Variants in CADM2 observed in about 807,000 individuals in gnomAD.
The protein encoded by CADM2 is immunoglobulin superfamily member 4D.
A neutral mutation model predicts 49.8 loss-of-function variants in CADM2; 12 were observed. The ratio of observed to expected loss-of-function variants is 0.24; its 90% CI spans 0.15 to 0.39. The LOEUF is 0.39. Ranked by LOEUF, CADM2 falls within the 10% of genes least tolerant of loss-of-function variation. CADM2 has a pLI of 1.00. For missense variants in CADM2, 378 were observed against 492.3 expected (o/e 0.77, Z 2.20); for synonymous variants, 214 against 175.4 (o/e 1.22, Z -1.74).
chr3:85,031,295 C>T (rs1330048348), intron 1 of CADM2, among the ~76,000 whole-genome samples: 1 of 152,192 alleles, frequency 6.6e-6, no homozygotes, highest in Non-Finnish European at 1.5e-5. Context: ...GTATGTCAGC[C>T]TTGCAGGGCA....
At chr3:85,487,723 T>C (rs2039485092) in intron 1 of CADM2, among the ~76,000 whole-genome samples, 1 of 151,842 alleles carries the variant, frequency 6.6e-6, no homozygotes, top group Non-Finnish European at 1.5e-5. Context: ...GAAATAAACC[T>C]CTGTGTGTGT....
At chr3:85,922,200 CCTT>C (rs1480693969) in intron 6 of CADM2, among the ~76,000 whole-genome samples, 2 of 151,472 alleles carry the variant, frequency 1.3e-5, no homozygotes, top group Non-Finnish European at 2.9e-5. Context: ...CTTTCCTTCT[CCTT>C]CTTCCCCTTC....
intron 1 of CADM2, among the ~76,000 whole-genome samples, chr3:85,508,726 G>C (rs1241663292): frequency 6.6e-6 from 1 of 152,092 alleles, no homozygotes; most frequent in Non-Finnish European, 1.5e-5. Context: ...AAGCCCAGTA[G>C]TTTAGGACTT....
chr3:85,965,474 G>A (rs1485833157), intron 8 of CADM2, among the ~76,000 whole-genome samples: 2 of 150,998 alleles, frequency 1.3e-5, no homozygotes, highest in African/African-American at 2.4e-5. Flanking sequence ...AAACTCCAAG[G>A]GTCTGGTAAG....
chr3:85,653,061 C>A (rs2065101190), intron 1 of CADM2, among the ~76,000 whole-genome samples: 1 of 151,702 alleles, frequency 6.6e-6, no homozygotes, highest in Admixed American at 6.6e-5. Flanking sequence ...GCGTGAGCCA[C>A]CGCACCTGGC....
intron 1 of CADM2, among the ~76,000 whole-genome samples, chr3:84,997,475 TAA>T (rs1037089634): frequency 3.3e-5 from 5 of 152,038 alleles, no homozygotes; most frequent in African/African-American, 1.2e-4. Context: ...ATAGAAAATA[TAA>T]GTTTATTTTT....
intron 1 of CADM2, among the ~76,000 whole-genome samples, chr3:85,364,950 A>T (rs1200751829): frequency 6.6e-6 from 1 of 152,210 alleles, no homozygotes; most frequent in East Asian, 1.9e-4. Flanking sequence ...AAGATTCTAT[A>T]GCATTGGAAA....
intron 1 of CADM2, among the ~76,000 whole-genome samples, chr3:85,152,534 G>T (rs546405923): frequency 6.6e-6 from 1 of 152,212 alleles, no homozygotes; most frequent in Non-Finnish European, 1.5e-5. Context: ...TACTAATATT[G>T]ATTGTGGAGT....
rs1002976739 is a variant in CADM2 at position 85,671,778 on chromosome 3, A to C, written c.62-54744A>C. 2.0e-5 allele frequency among the ~76,000 whole-genome samples: 3 copies of C among 152,266 alleles called. No individual in the cohort carries two copies. In the East Asian group the frequency reaches 5.8e-4, roughly 29 times the overall value. On this transcript the variant is annotated intron_variant, in intron 1 of 9. Coordinates refer to ENST00000383699, the MANE Select transcript of CADM2 (RefSeq NM_001167675.2). ...CAATTTATGCACACCTCTGTTTAAAATTTATCTTCTCATATGTGTACCCTT... is the reference window on the plus strand; with the variant it reads ...CAATTTATGCACACCTCTGTTTAAACTTTATCTTCTCATATGTGTACCCTT...
chr3:85,182,305 T>C (rs1457682959), intron 1 of CADM2, among the ~76,000 whole-genome samples: 1 of 152,102 alleles, frequency 6.6e-6, no homozygotes, highest in African/African-American at 2.4e-5. Context: ...ATAATAAATT[T>C]ACATTTCAGA....
intron 1 of CADM2, among the ~76,000 whole-genome samples, chr3:85,158,157 G>T (rs1206401998): frequency 6.6e-6 from 1 of 152,192 alleles, no homozygotes; most frequent in Non-Finnish European, 1.5e-5. Context: ...TCTCACACCA[G>T]TTAGAATGGC....
At chr3:85,812,962 G>A (rs951259895) in intron 3 of CADM2, among the ~76,000 whole-genome samples, 23 of 152,170 alleles carry the variant, frequency 1.5e-4, no homozygotes, top group African/African-American at 5.1e-4. Flanking sequence ...ATGGACATTC[G>A]GGTTGGTTCC....
intron 1 of CADM2, among the ~76,000 whole-genome samples, chr3:85,070,499 T>C (rs1288110019): frequency 6.6e-6 from 1 of 152,184 alleles, no homozygotes; most frequent in Non-Finnish European, 1.5e-5. Context: ...AAACAAATTC[T>C]AGATTACCTT....
intron 1 of CADM2, among the ~76,000 whole-genome samples, chr3:85,396,909 G>C (rs1266107418): frequency 6.6e-6 from 1 of 151,922 alleles, no homozygotes; most frequent in South Asian, 2.1e-4. Context: ...AGATAAATTG[G>C]TCTTCATCAA....
At chr3:85,723,602 G>T (rs1286808931) in intron 1 of CADM2, among the ~76,000 whole-genome samples, 1 of 152,080 alleles carries the variant, frequency 6.6e-6, no homozygotes, top group African/African-American at 2.4e-5. Flanking sequence ...AACAGGCATA[G>T]AGCTTTTGTT....
intron 1 of CADM2, among the ~76,000 whole-genome samples, chr3:85,331,100 C>T (rs547861812): frequency 2.0e-5 from 3 of 152,136 alleles, no homozygotes; most frequent in African/African-American, 7.2e-5. Flanking sequence ...GGGTATCCAT[C>T]ATATCAAACA....
intron 1 of CADM2, among the ~76,000 whole-genome samples, chr3:85,713,019 A>T (rs995919170): frequency 2.6e-5 from 4 of 152,198 alleles, no homozygotes; most frequent in African/African-American, 9.6e-5. Context: ...AGATGTAGTC[A>T]TAGATCTTCA....
intron 3 of CADM2, among the ~76,000 whole-genome samples, chr3:85,850,670 A>C (rs1025326140): frequency 1.7e-4 from 26 of 151,944 alleles, no homozygotes; most frequent in Non-Finnish European, 3.1e-4. Context: ...TGTGGATTGG[A>C]GTATTCTGTA....
At chr3:85,009,320 GAA>G (rs2033879825) in intron 1 of CADM2, among the ~76,000 whole-genome samples, 1 of 152,166 alleles carries the variant, frequency 6.6e-6, no homozygotes, top group African/African-American at 2.4e-5. Flanking sequence ...GTGGAAGATA[GAA>G]ATTAAAATAT....
Sources: gnomAD v4.1 joint callset for allele counts (sites outside exome capture counted in the v4.1 genomes callset) on GRCh38, gnomAD v4.1.1 for gene constraint, MANE v1.5 for transcripts, NCBI Gene and HGNC (gene_info 2026-07-23, HGNC 2026-07-21) for gene names.